DMRT1: variants seen among roughly 807,000 people sequenced by gnomAD.
DMRT1 encodes doublesex- and mab-3-related transcription factor 1.
DMRT1 carries 7 observed loss-of-function variants against 32.3 expected under a neutral mutation model. That is an observed-to-expected ratio of 0.22 (90% CI 0.12 to 0.41). The LOEUF (loss-of-function observed/expected upper bound fraction) is 0.41. DMRT1 is among the 10% of genes least tolerant of loss of function. DMRT1 has a pLI of 1.00. For missense variants in DMRT1, 625 were observed against 500.5 expected (o/e 1.25, Z -2.37); for synonymous variants, 278 against 206.1 (o/e 1.35, Z -2.99).
intron 4 of DMRT1, among the ~76,000 whole-genome samples, chr9:935,566 G>A (rs921564081): frequency 1.3e-5 from 2 of 152,168 alleles, no homozygotes; most frequent in South Asian, 2.1e-4. Context: ...GCTCGCTTCC[G>A]CATACCAGTC....
chr9:912,576 C>T (rs1818026681), intron 3 of DMRT1, among the ~76,000 whole-genome samples: 3 of 152,096 alleles, frequency 2.0e-5, no homozygotes, highest in Non-Finnish European at 4.4e-5. Context: ...GTTTATTTTC[C>T]AGTAAGCGTT....
rs529322723 is a variant in DMRT1, at chr9:916,173, T to C, written c.823-590T>C. 2.0e-5 allele frequency among the ~76,000 whole-genome samples: 3 copies of C among 152,284 alleles called. No individual in the cohort carries two copies. The South Asian group carries it at 6.2e-4, about 32-fold the overall frequency. ...CAAATTTGTTAGTGTTACAGCAGAT[T>C]GTGTTGTCCCCTCTCCACCACCCTG... On this transcript the variant is annotated intron_variant, in intron 3 of 4. Coordinates refer to ENST00000382276, the MANE Select transcript of DMRT1 (RefSeq NM_021951.3).
rs1025515118 is a variant in DMRT1, at chr9:897,292, A to G, written c.822+3097A>G. Among the ~76,000 whole-genome samples the G allele has an allele frequency of 4.0e-5, 6 of 150,356 alleles. No homozygotes were observed. In the East Asian group the frequency reaches 9.8e-4, roughly 24 times the overall value. On this transcript the variant is annotated intron_variant, in intron 3 of 4. Coordinates refer to ENST00000382276, the MANE Select transcript of DMRT1 (RefSeq NM_021951.3). ...CACGCGTGGCTATTTTTTTTTCTGT[A>G]TTTTTAGCAGAGATGGTGTTTCACC...
In DMRT1 at chr9:841,971, T is replaced by C; in HGVS notation, c.133T>C (p.Ser45Pro). 6.3e-7 allele frequency: 1 copy of C among 1,583,536 alleles called. No individual in the cohort carries two copies. Among genetic ancestry groups the C allele is most frequent in the Non-Finnish European group, 8.6e-7 (1 of 1,165,634 alleles). The change falls in exon 1 of 5, where the codon TCG becomes CCG. Residue 45 changes from serine (S) to proline (P), a missense_variant. Physicochemically the swap from Ser to Pro is moderately conservative, Grantham distance 74. Transcript: ENST00000382276. ...GGCGCTAGTGGGGGCGGCCAGCGGC[T>C]CGAGCGCCGGGGGCAGCAGCAGAGG... ...SGALVGAASG[S>P]SAGGSSRGGG...
At chr9:880,554 C>G (rs555612524) in intron 2 of DMRT1, among the ~76,000 whole-genome samples, 1 of 151,876 alleles carries the variant, frequency 6.6e-6, no homozygotes, top group African/African-American at 2.4e-5. Context: ...TGGTGAATCC[C>G]TGTCTCTACT....
At chr9:864,445 G>C (rs1190189229) in intron 2 of DMRT1, among the ~76,000 whole-genome samples, 1 of 148,986 alleles carries the variant, frequency 6.7e-6, no homozygotes, top group East Asian at 2.0e-4. Context: ...TGCCCGCCTT[G>C]TCCTCCCAAA....
At chr9:874,293 A>G (rs1816400548) in intron 2 of DMRT1, among the ~76,000 whole-genome samples, 1 of 152,226 alleles carries the variant, frequency 6.6e-6, no homozygotes, top group Non-Finnish European at 1.5e-5. Flanking sequence ...TATCAGGATC[A>G]TTTGAATAGT....
intron 1 of DMRT1, among the ~76,000 whole-genome samples, chr9:843,536 G>C (rs1838780781): frequency 6.6e-6 from 1 of 152,226 alleles, no homozygotes; most frequent in South Asian, 2.1e-4. Flanking sequence ...TGGTCCGTCT[G>C]TGGTTTTGTT....
At chr9:917,373 A>G (rs958527424) in intron 4 of DMRT1, among the ~76,000 whole-genome samples, 3 of 152,222 alleles carry the variant, frequency 2.0e-5, no homozygotes, top group South Asian at 4.1e-4. Context: ...GAGTTTATGC[A>G]GTAGCAATGC....
Position 842,230 on chromosome 9 carries a change from G to GGTT in DMRT1, c.354+38_354+39insGTT, listed in dbSNP as rs1554739423. ...GTGCGGGAGCCCGGGTTCAGCCTTA[G>GGTT]TTTTTTTTTTTTTTTTTTTTTTTAG... On this transcript the variant is annotated intron_variant, in intron 1 of 4. Coordinates refer to ENST00000382276, the MANE Select transcript of DMRT1 (RefSeq NM_021951.3). 1.2e-5 allele frequency: 15 copies of GGTT among 1,267,094 alleles called. No individual in the cohort carries two copies. In the African/African-American group the frequency reaches 3.0e-4, roughly 25 times the overall value. 78.5% of individuals were successfully genotyped at this position (1,267,094 alleles called of 1,614,324 possible).
intron 2 of DMRT1, among the ~76,000 whole-genome samples, chr9:867,190 A>C (rs1816028794): frequency 6.6e-6 from 1 of 152,108 alleles, no homozygotes; most frequent in South Asian, 2.1e-4. Context: ...ATTGGGTAGG[A>C]CTGAAAAAAA....
At chr9:903,202 C>G (rs1036001416) in intron 3 of DMRT1, among the ~76,000 whole-genome samples, 1 of 152,134 alleles carries the variant, frequency 6.6e-6, no homozygotes, top group Non-Finnish European at 1.5e-5. Flanking sequence ...AGTCTTACTC[C>G]TGCAGGGAGC....
chr9:851,947 G>T (rs199600923), intron 2 of DMRT1, among the ~76,000 whole-genome samples: 24 of 138,102 alleles, frequency 1.7e-4, no homozygotes, highest in East Asian at 2.1e-4. Context: ...CTTTTTTTTT[G>T]TTTTTTTTTT....
intron 4 of DMRT1, among the ~76,000 whole-genome samples, chr9:929,466 T>C (rs1014391322): frequency 1.3e-5 from 2 of 152,132 alleles, no homozygotes; most frequent in Admixed American, 1.3e-4. Context: ...CTTATTTTGA[T>C]TGATGTTGTT....
intron 3 of DMRT1, among the ~76,000 whole-genome samples, chr9:906,567 G>C (rs1191462374): frequency 3.9e-5 from 6 of 152,192 alleles, no homozygotes; most frequent in African/African-American, 1.4e-4. Context: ...CAGTAGGTTG[G>C]AACAGAGTAG....
chr9:875,868 G>A (rs963932320), intron 2 of DMRT1, among the ~76,000 whole-genome samples: 7 of 152,140 alleles, frequency 4.6e-5, no homozygotes, highest in Admixed American at 2.6e-4. Context: ...AGAGCCTTCA[G>A]GGCTTTTGAA....
At chr9:886,829 G>T (rs977363707) in intron 2 of DMRT1, among the ~76,000 whole-genome samples, 2 of 152,206 alleles carry the variant, frequency 1.3e-5, no homozygotes, top group African/African-American at 2.4e-5. Context: ...AGCAAATATT[G>T]CTGGCTTCTC....
At chr9:896,290 T>C (rs1036724456) in intron 3 of DMRT1, among the ~76,000 whole-genome samples, 9 of 147,708 alleles carry the variant, frequency 6.1e-5, no homozygotes, top group Admixed American at 1.3e-4. Flanking sequence ...CTTTTCTTTT[T>C]TTTTTTTTTT....
At chr9:925,600 T>G (rs1476181154) in intron 4 of DMRT1, among the ~76,000 whole-genome samples, 1 of 152,226 alleles carries the variant, frequency 6.6e-6, no homozygotes, top group East Asian at 1.9e-4. Flanking sequence ...GATCCCTGAA[T>G]TACTTTCCTG....
Sources: allele counts gnomAD v4.1 joint callset (sites outside exome capture counted in the v4.1 genomes callset), GRCh38; gene constraint gnomAD v4.1.1; transcripts MANE v1.5; gene names NCBI Gene and HGNC (gene_info 2026-07-23, HGNC 2026-07-21).